NRXN1: variants seen among roughly 807,000 people sequenced by gnomAD.
NRXN1 encodes the protein neurexin-1.
A neutral mutation model predicts 150.9 loss-of-function variants in NRXN1; 39 were observed. That is an observed-to-expected ratio of 0.26 (90% CI 0.20 to 0.34). The LOEUF (loss-of-function observed/expected upper bound fraction) is 0.34. Among genes scored for constraint, NRXN1 ranks in the 10% least tolerant of loss-of-function variants. NRXN1 has a pLI of 1.00. For missense variants in NRXN1, 1,815 were observed against 1,949.9 expected (o/e 0.93, Z 1.30); for synonymous variants, 924 against 757.0 (o/e 1.22, Z -3.62).
In NRXN1 at chr2:50,465,446, A is replaced by G. The variant is rs764346924; in HGVS notation, c.3360T>C (p.Asn1120=). 1.9e-6 allele frequency: 3 copies of G among 1,608,190 alleles called. No individual in the cohort carries two copies. The highest frequency in any genetic ancestry group is 4.5e-5 in the East Asian group (2 of 44,700). ...CATACTCAGAGAGGTACTTACGGTCATTGCAGAGTGGTCCACTGAAGGAAG... is the reference window on the plus strand; with the variant it reads ...CATACTCAGAGAGGTACTTACGGTCGTTGCAGAGTGGTCCACTGAAGGAAG... The part of the protein sequence containing the change: ...SMTSFSGPLC[N]DPGTTYIFSK... Residue 1120 remains asparagine, a synonymous_variant, in exon 17 of 23, where the codon AAT becomes AAC. Transcript: ENST00000401669.
intron 5 of NRXN1, chr2:50,757,842 T>C (rs1188627315): frequency 6.6e-6 from 1 of 151,646 alleles, no homozygotes; most frequent in East Asian, 2.0e-4. Context: ...AGACATAAGT[T>C]ATTCTCAATA....
At chr2:50,100,552 T>C (rs956558593) in intron 18 of NRXN1, among the ~76,000 whole-genome samples, 1 of 152,128 alleles carries the variant, frequency 6.6e-6, no homozygotes, top group African/African-American at 2.4e-5. Flanking sequence ...CAATACTGGA[T>C]TATTCTTTAC....
chr2:50,992,162 T>C (rs985372581), intron 2 of NRXN1, among the ~76,000 whole-genome samples: 2 of 151,982 alleles, frequency 1.3e-5, no homozygotes, highest in Non-Finnish European at 2.9e-5. Context: ...CTCCAAAAGC[T>C]AGTCAGTTCT....
intron 2 of NRXN1, among the ~76,000 whole-genome samples, chr2:51,012,076 C>A (rs4971720): frequency 0.098 from 14,928 of 151,974 alleles, 1,409 homozygotes; most frequent in East Asian, 0.44. Context: ...TACCAGCCCA[C>A]CCCACTAAAA....
chr2:49,984,573 G>T (rs1440121850), intron 21 of NRXN1, among the ~76,000 whole-genome samples: 1 of 152,046 alleles, frequency 6.6e-6, no homozygotes, highest in Non-Finnish European at 1.5e-5. Context: ...GCTCTTGGTA[G>T]TTCCTAGAGC....
Position 50,347,761 on chromosome 2 carries a change from G to T in NRXN1, c.3365-110791C>A. 1 of 986,582 alleles carries T rather than the reference G, an allele frequency of 1.0e-6. No individual in the cohort carries two copies. Among genetic ancestry groups the T allele is most frequent in the Non-Finnish European group, 1.2e-6 (1 of 830,808 alleles). 61.1% of individuals were successfully genotyped at this position (986,582 alleles called of 1,614,324 possible). ...GAAAAAGAAAAAGAAAAAAAGAAAA[G>T]AAAAACCACACACGCTGGTGAAGCA... On this transcript the variant is annotated intron_variant, in intron 17 of 22. Transcript: ENST00000401669. The surrounding 1 kb of genome is among the most constrained non-coding windows in gnomAD (Gnocchi z 4.9).
chr2:50,220,639 A>G lies in NRXN1; in HGVS notation c.3546+16150T>C, dbSNP rs953541438. 1.1e-4 allele frequency among the ~76,000 whole-genome samples: 16 copies of G among 152,016 alleles called. 1 individual carries two copies. The highest frequency in any genetic ancestry group is 3.1e-4 in the African/African-American group (13 of 41,420). ...TCAATATCTGTACAGGATTTTTGCA[A>G]AAACCCATTTCAAATATCCCATTAT... is the stretch of plus-strand genomic sequence containing the variant. On this transcript the variant is annotated intron_variant, in intron 18 of 22. Transcript: ENST00000401669.
At chr2:50,179,081 T>C (rs1386514379) in intron 18 of NRXN1, among the ~76,000 whole-genome samples, 2 of 152,152 alleles carry the variant, frequency 1.3e-5, no homozygotes, top group Non-Finnish European at 2.9e-5. Flanking sequence ...GTCATCCTAA[T>C]CAGAAAAGAC....
chr2:50,570,888 A>G lies in NRXN1; in HGVS notation c.1321-17863T>C, dbSNP rs146406514. 7.0e-3 allele frequency among the ~76,000 whole-genome samples: 1,066 copies of G among 152,244 alleles called. 8 individuals are homozygous for G. The highest frequency in any genetic ancestry group is 0.02 in the Middle Eastern group (6 of 294). ...GTTACCTTTGTGATTTGGATCAGGGAAAGGTGTGTACCCTATCACCTTACC... is the reference window on the plus strand; with the variant it reads ...GTTACCTTTGTGATTTGGATCAGGGGAAGGTGTGTACCCTATCACCTTACC... On this transcript the variant is annotated intron_variant, in intron 8 of 22. Coordinates refer to ENST00000401669, the MANE Select transcript of NRXN1 (RefSeq NM_001330078.2).
chr2:50,166,506 C>T (rs2152795183), intron 18 of NRXN1, among the ~76,000 whole-genome samples: 1 of 152,192 alleles, frequency 6.6e-6, no homozygotes, highest in Non-Finnish European at 1.5e-5. Context: ...AGTCAACTGG[C>T]TCCTTAATAT....
chr2:50,648,298 A>C (rs949913197), intron 5 of NRXN1, among the ~76,000 whole-genome samples: 7 of 152,118 alleles, frequency 4.6e-5, no homozygotes, highest in African/African-American at 1.7e-4. Context: ...CACAGATGAG[A>C]TCATTAGGAG....
intron 2 of NRXN1, among the ~76,000 whole-genome samples, chr2:50,946,445 A>G (rs779547120): frequency 3.9e-5 from 6 of 152,116 alleles, no homozygotes; most frequent in Non-Finnish European, 8.8e-5. Context: ...TTGTGGGTGA[A>G]GCCAATTAAC....
intron 8 of NRXN1, among the ~76,000 whole-genome samples, chr2:50,595,313 G>C (rs1309846676): frequency 2.6e-5 from 4 of 151,680 alleles, no homozygotes; most frequent in African/African-American, 9.7e-5. Context: ...TTATTATTTA[G>C]ATATGAGATG....
chr2:50,873,518 G>C (rs1678106122), intron 5 of NRXN1, among the ~76,000 whole-genome samples: 1 of 151,732 alleles, frequency 6.6e-6, no homozygotes, highest in African/African-American at 2.4e-5. Context: ...GGTTAATTCT[G>C]GCAGTTTTGG....
chr2:50,623,593 C>T lies in NRXN1; in HGVS notation c.855G>A (p.Thr285=), dbSNP rs201753471. 28 of 1,611,622 alleles carry T rather than the reference C, an allele frequency of 1.7e-5. No homozygotes were observed. In the Admixed American group the frequency reaches 3.7e-4, roughly 21 times the overall value. The stretch of plus-strand genomic sequence containing the variant: ...AGCAGAAGTATTCAGATCCTTTGAA[C>T]GTGGCAATATATTCTTCTTTTCCTA... ...KSKGKEEYIA[T]FKGSEYFCYD... The change falls in exon 6 of 23, where the codon ACG becomes ACA. Residue 285 remains threonine (T), a synonymous_variant. Coordinates refer to ENST00000401669, the MANE Select transcript of NRXN1 (RefSeq NM_001330078.2).
intron 5 of NRXN1, among the ~76,000 whole-genome samples, chr2:50,815,604 A>G (rs149039517): frequency 5.4e-4 from 82 of 152,236 alleles, no homozygotes; most frequent in African/African-American, 1.9e-3. Flanking sequence ...ATGATTTAAA[A>G]TTTTGTGGTC....
chr2:50,901,791 T>A (rs1574877799), intron 5 of NRXN1, among the ~76,000 whole-genome samples: 4 of 152,176 alleles, frequency 2.6e-5, no homozygotes, highest in Non-Finnish European at 5.9e-5. Flanking sequence ...AGTCCACAAG[T>A]TCTTCAGTAA....
intron 5 of NRXN1, among the ~76,000 whole-genome samples, chr2:50,854,717 C>A (rs915737853): frequency 1.3e-5 from 2 of 152,022 alleles, no homozygotes; most frequent in Non-Finnish European, 2.9e-5. Context: ...CAACGTTAAG[C>A]GGTTTCAGTA....
chr2:50,157,709 G>A (rs1307945026), intron 18 of NRXN1, among the ~76,000 whole-genome samples: 2 of 152,052 alleles, frequency 1.3e-5, no homozygotes, highest in African/African-American at 4.8e-5. Flanking sequence ...AGAATGGAGA[G>A]GAAGAAACAA....
Sources: allele counts gnomAD v4.1 joint callset (sites outside exome capture counted in the v4.1 genomes callset), GRCh38; gene constraint gnomAD v4.1.1; non-coding constraint Gnocchi (gnomAD v3.1); transcripts MANE v1.5; gene names NCBI Gene and HGNC (gene_info 2026-07-23, HGNC 2026-07-21).